LGI2: variants seen among roughly 807,000 people sequenced by gnomAD.
The protein encoded by LGI2 is leucine-rich repeat LGI family member 2.
A neutral mutation model predicts 52.0 loss-of-function variants in LGI2; 30 were observed. The ratio of observed to expected loss-of-function variants is 0.58; its 90% CI spans 0.43 to 0.78. The LOEUF (loss-of-function observed/expected upper bound fraction) is 0.78, where lower values mean the gene tolerates loss of function less well. Ranked by LOEUF, LGI2 falls within the 30% of genes least tolerant of loss-of-function variation. LGI2 has a pLI of 0.00. For missense variants in LGI2, 573 were observed against 692.5 expected, an observed-to-expected ratio of 0.83 and a Z score of 1.94; for synonymous variants, 270 against 271.8, an observed-to-expected ratio of 0.99 and a Z score of 0.06.
rs1024238455 is a variant in LGI2 at position 25,004,124 on chromosome 4, CGA to C, written c.963_964del (p.Arg322HisfsTer6). 2 of 1,614,000 alleles carry C rather than the reference CGA, an allele frequency of 1.2e-6. No individual in the cohort carries two copies. Among genetic ancestry groups the C allele is most frequent in the Non-Finnish European group, 1.7e-6 (2 of 1,180,030 alleles). Reference sequence around the variant, plus strand: ...CTCGATGTCATTGGGCTTGGAAATGCGAGAGACCTCTATGTCTTGGAATTTGA... The same window carrying C: ...CTCGATGTCATTGGGCTTGGAAATGCGAGACCTCTATGTCTTGGAATTTGA... On this transcript the variant is annotated frameshift_variant, in exon 8 of 8. Coordinates refer to ENST00000382114, the MANE Select transcript of LGI2 (RefSeq NM_018176.4). LOFTEE classifies it high-confidence loss of function. This position sits in a 1 kb window ranked among gnomAD's most constrained non-coding sequence, Gnocchi z 4.6.
At chr4:25,008,576 T>A (rs1357350467) in intron 7 of LGI2, among the ~76,000 whole-genome samples, 49 of 111,588 alleles carry the variant, frequency 4.4e-4, no homozygotes, top group Non-Finnish European at 4.3e-4. Context: ...AAAAAAAAAA[T>A]CCTTATAGTA....
chr4:25,018,179 C>T, intron 5 of LGI2, 21 bp from the exon 6 acceptor site: 1 of 1,536,832 alleles, frequency 6.5e-7, no homozygotes, highest in Non-Finnish European at 8.8e-7. Context: ...AAATAAAACA[C>T]AAACACATAC....
rs1725620831 is a variant in LGI2 at position 25,012,442 on chromosome 4, G to C, written c.713C>G (p.Ser238Cys). 1.2e-6 allele frequency: 2 copies of C among 1,614,220 alleles called. No homozygotes were observed. Among genetic ancestry groups the C allele is most frequent in the Non-Finnish European group, 1.7e-6 (2 of 1,180,040 alleles). ...YQSVSVDTFN[S>C]KNDVYVAIAQ... is the part of the protein sequence containing the mutation. Reference sequence around the variant, plus strand: ...GATGGCCACGTACACATCGTTCTTGGAGTTGAACGTATCCACTGAAACCGA... The same window carrying C: ...GATGGCCACGTACACATCGTTCTTGCAGTTGAACGTATCCACTGAAACCGA... Residue 238 changes from serine (S) to cysteine (C), a missense_variant, in exon 7 of 8, where the codon TCC becomes TGC. By Grantham distance (112) the Ser-to-Cys change is moderately radical (BLOSUM62 -1). Transcript: ENST00000382114.
intron 6 of LGI2, 50 bp downstream of exon 6, chr4:25,017,939 C>T (rs1725828015): frequency 6.7e-7 from 1 of 1,482,716 alleles, no homozygotes; most frequent in African/African-American, 1.4e-5. Flanking sequence ...AAAAGAAAGA[C>T]AAAGAGATTA....
At chr4:25,027,976 G>A (rs923221658) in intron 2 of LGI2, among the ~76,000 whole-genome samples, 2 of 152,200 alleles carry the variant, frequency 1.3e-5, no homozygotes, top group Non-Finnish European at 2.9e-5. Flanking sequence ...TTTGGGACAA[G>A]TTAGTTAAGT....
intron 7 of LGI2, among the ~76,000 whole-genome samples, chr4:25,007,577 CAGTGT>C (rs1560288211): frequency 2.8e-5 from 3 of 108,956 alleles, no homozygotes; most frequent in African/African-American, 1.3e-4. Context: ...GCAGACAGAT[CAGTGT>C]GTGTGTGTGT....
chr4:25,003,326 C>A lies in LGI2; in HGVS notation c.*125G>T. The A allele has an allele frequency of 1.5e-6, 1 of 689,238 alleles. No homozygotes were observed. The highest frequency in any genetic ancestry group is 2.4e-6 in the Non-Finnish European group (1 of 422,770). 42.7% of individuals were successfully genotyped at this position (689,238 alleles called of 1,614,324 possible). A position where few individuals can be genotyped will look rare whatever the true frequency, so the allele number is the denominator to read the frequency against. On this transcript the variant is annotated 3_prime_UTR_variant, in exon 8 of 8. Coordinates refer to ENST00000382114, the MANE Select transcript of LGI2 (RefSeq NM_018176.4). ...GTGAGTTCTAAAAGTTTGAAAACAT[C>A]TAACTATTTCAGTGCTTTTTAATTT...
intron 6 of LGI2, among the ~76,000 whole-genome samples, chr4:25,014,588 T>G (rs1162167768): frequency 6.6e-6 from 1 of 150,680 alleles, no homozygotes; most frequent in Non-Finnish European, 1.5e-5. Context: ...TCCTGGCAGC[T>G]TGGGAGGCCA....
In LGI2 at chr4:25,004,100, T is replaced by C; in HGVS notation, c.989A>G (p.Glu330Gly). 1 of 1,614,196 alleles carries C rather than the reference T, an allele frequency of 6.2e-7. No individual in the cohort carries two copies. Among genetic ancestry groups the C allele is most frequent in the Non-Finnish European group, 8.5e-7 (1 of 1,180,040 alleles). ...CGTCTCGTCGTCGATCTGAAACAGC[T>C]CGATGTCATTGGGCTTGGAAATGCG... ...VSRISKPNDI[E>G]LFQIDDETFF... Residue 330 changes from glutamate (E) to glycine (G), a missense_variant, in exon 8 of 8, where the codon GAG (glutamate) becomes GGG (glycine). Transcript: ENST00000382114. The surrounding 1 kb of genome is among the most constrained non-coding windows in gnomAD (Gnocchi z 4.6).
At chr4:25,015,798 A>C (rs1725738614) in intron 6 of LGI2, among the ~76,000 whole-genome samples, 1 of 152,080 alleles carries the variant, frequency 6.6e-6, no homozygotes, top group South Asian at 2.1e-4. Context: ...GAACACTCAA[A>C]ATTTGTTGAC....
At chr4:25,013,051 C>T (rs759640780) in intron 6 of LGI2, among the ~76,000 whole-genome samples, 1 of 152,200 alleles carries the variant, frequency 6.6e-6, no homozygotes, top group South Asian at 2.1e-4. Flanking sequence ...CAGACAACCC[C>T]ACTGCACGTT....
chr4:25,028,585 G>T lies in LGI2; in HGVS notation c.198-7C>A. The T allele has an allele frequency of 6.2e-7, 1 of 1,610,262 alleles. No individual in the cohort carries two copies. Among genetic ancestry groups the T allele is most frequent in the Non-Finnish European group, 8.5e-7 (1 of 1,178,300 alleles). Reference sequence around the variant, plus strand: ...CGTCCCATTTACCAGGCTCCTACGGGCAAAAGATGAACAAAAGTAGGCCTA... The same window carrying T: ...CGTCCCATTTACCAGGCTCCTACGGTCAAAAGATGAACAAAAGTAGGCCTA... On this transcript the variant is annotated splice_polypyrimidine_tract_variant and splice_region_variant and intron_variant, in intron 1 of 7. Transcript: ENST00000382114.
chr4:25,015,007 A>G (rs1343321440), intron 6 of LGI2, among the ~76,000 whole-genome samples: 1 of 152,224 alleles, frequency 6.6e-6, no homozygotes, highest in African/African-American at 2.4e-5. Flanking sequence ...AAGATCTCAG[A>G]AATACACATA....
intron 4 of LGI2, among the ~76,000 whole-genome samples, chr4:25,024,398 C>T (rs1726073536): frequency 6.6e-6 from 1 of 152,170 alleles, no homozygotes; most frequent in South Asian, 2.1e-4. Context: ...CCTGTAATCC[C>T]AGCTACTCGG....
At chr4:25,009,375 C>A (rs1028670568) in intron 7 of LGI2, among the ~76,000 whole-genome samples, 11 of 152,152 alleles carry the variant, frequency 7.2e-5, no homozygotes, top group Admixed American at 2.0e-4. Context: ...ACCAATCCCT[C>A]CAATCCCACA....
At position 25,012,556 on chromosome 4, in the gene LGI2, A is replaced by C. The variant is rs1725624176; in HGVS notation, c.656-57T>G. 3.8e-6 allele frequency: 6 copies of C among 1,565,420 alleles called. No homozygotes were observed. In the South Asian group the frequency reaches 5.8e-5, roughly 15 times the overall value. ...CATAAAATCTCCTGTAGGGATTATC[A>C]ACCACCATCACCGTTCCATCATCAC... is the stretch of plus-strand genomic sequence containing the variant. On this transcript the variant is annotated intron_variant, in intron 6 of 7. Coordinates refer to ENST00000382114, the MANE Select transcript of LGI2 (RefSeq NM_018176.4).
intron 2 of LGI2, among the ~76,000 whole-genome samples, chr4:25,027,607 T>A (rs964653694): frequency 6.6e-5 from 10 of 152,210 alleles, no homozygotes; most frequent in African/African-American, 2.2e-4. Context: ...CATATAAGAT[T>A]TCAAGAACAA....
chr4:25,001,881 G>A lies in LGI2; in HGVS notation c.*1570C>T, dbSNP rs8235. On this transcript the variant is annotated 3_prime_UTR_variant, in exon 8 of 8. Transcript: ENST00000382114. The stretch of plus-strand genomic sequence containing the variant: ...CTACCTACTCATGACATGGCAAATA[G>A]TCATTTTACAATAACAATACAGTAC... 89,882 of 152,120 alleles carry A rather than the reference G, an allele frequency of 0.59. 28,116 individuals carry two copies. Among genetic ancestry groups the A allele is most frequent in the East Asian group, 0.9 (4,652 of 5,170 alleles). The allele number at this position is 152,120 out of a possible 1,614,324, so 9.4% of individuals were successfully genotyped here.
chr4:25,015,786 C>G (rs1471609385), intron 6 of LGI2, among the ~76,000 whole-genome samples: 1 of 152,114 alleles, frequency 6.6e-6, no homozygotes, highest in Admixed American at 6.5e-5. Context: ...GACATGAACC[C>G]CGAACACTCA....
Sources: allele counts gnomAD v4.1 joint callset (sites outside exome capture counted in the v4.1 genomes callset), GRCh38; gene constraint gnomAD v4.1.1; non-coding constraint Gnocchi (gnomAD v3.1); transcripts MANE v1.5; gene names NCBI Gene and HGNC (gene_info 2026-07-23, HGNC 2026-07-21).